PIEZO2: variants seen among roughly 807,000 people sequenced by gnomAD.
The protein encoded by PIEZO2 is piezo-type mechanosensitive ion channel component 2.
In PIEZO2, 172 loss-of-function variants were observed where a neutral mutation model predicts 337.3. The ratio of observed to expected loss-of-function variants is 0.51; its 90% confidence interval spans 0.45 to 0.58. PIEZO2 has a LOEUF of 0.58. Among genes scored for constraint, PIEZO2 ranks in the 20% least tolerant of loss-of-function variants. The pLI is 0.00. For synonymous variants in PIEZO2, 1,251 were observed against 1,228.5 expected, an observed-to-expected ratio of 1.02 and a Z score of -0.38; for missense variants, 3,028 against 3,391.3, an observed-to-expected ratio of 0.89 and a Z score of 2.66.
intron 4 of PIEZO2, among the ~76,000 whole-genome samples, chr18:10,906,248 C>T (rs553324914): frequency 4.9e-4 from 74 of 152,230 alleles, no homozygotes; most frequent in African/African-American, 1.8e-3. Flanking sequence ...CCAAGTGGAG[C>T]ATCAAATAAA....
intron 7 of PIEZO2, among the ~76,000 whole-genome samples, chr18:10,810,966 C>T (rs1236691933): frequency 2.6e-5 from 4 of 152,210 alleles, no homozygotes; most frequent in Non-Finnish European, 2.9e-5. Flanking sequence ...GTTCAGGATG[C>T]ATAATTACAT....
At position 10,794,620 on chromosome 18, in the gene PIEZO2, C is replaced by T. The variant is rs1049583763; in HGVS notation, c.1758+152G>A. On this transcript the variant is annotated intron_variant, in intron 13 of 55. Transcript: ENST00000674853. The surrounding 1 kb of genome is among the most constrained non-coding windows in gnomAD (Gnocchi z 6.6). ...TTAAATTATAGAGGCCTCTAAGCAC[C>T]GCAAACTGTTTCTTACAGTCTCATG... Among the ~76,000 whole-genome samples the T allele has an allele frequency of 2.6e-5, 4 of 152,130 alleles. No homozygotes were observed. Among genetic ancestry groups the T allele is most frequent in the Admixed American group, 6.5e-5 (1 of 15,272 alleles).
At chr18:10,935,187 G>C (rs748332120) in intron 3 of PIEZO2, among the ~76,000 whole-genome samples, 3 of 152,118 alleles carry the variant, frequency 2.0e-5, no homozygotes, top group Non-Finnish European at 4.4e-5. Context: ...AGAATTCCTG[G>C]TTTTCTTCTT....
At chr18:10,840,962 C>G (rs2041171793) in intron 7 of PIEZO2, among the ~76,000 whole-genome samples, 2 of 152,192 alleles carry the variant, frequency 1.3e-5, no homozygotes, top group South Asian at 4.1e-4. Context: ...TGAGGAGAGC[C>G]ATATGCAGTT....
chr18:10,725,331 G>A, intron 36 of PIEZO2: 4 of 1,602,510 alleles, frequency 2.5e-6, no homozygotes, highest in Non-Finnish European at 3.4e-6. Context: ...CGAAGAGGTT[G>A]TGGTGCAGCT....
chr18:10,951,241 A>G (rs1344812036), intron 3 of PIEZO2, among the ~76,000 whole-genome samples: 1 of 152,196 alleles, frequency 6.6e-6, no homozygotes, highest in Non-Finnish European at 1.5e-5. Flanking sequence ...TCACAAGACA[A>G]TACATAACAT....
In PIEZO2 at chr18:10,691,248, G is replaced by A. The variant is rs72970080; in HGVS notation, c.7326C>T (p.Tyr2442=). The A allele has an allele frequency of 4.0e-3, 6,523 of 1,613,682 alleles. 19 individuals are homozygous for A. The highest frequency in any genetic ancestry group is 5.1e-3 in the Non-Finnish European group (6,045 of 1,179,794). The change falls in exon 48 of 56, where the codon TAC becomes TAT. Residue 2442 remains tyrosine, a synonymous_variant. Transcript: ENST00000674853. ...LGNFLTKSYN[Y]VNLFLFQGFR... ...ACCCTTGGAATAAGAAGAGGTTGAC[G>A]TAATTGTAGCTCTTGGTGAGGAAGT... is the stretch of plus-strand genomic sequence containing the variant.
rs1568330522 is a variant in PIEZO2, at chr18:11,051,370, G to GTGTGTGT, written c.160+14756_160+14757insACACACA. On this transcript the variant is annotated intron_variant, in intron 2 of 55. Coordinates refer to ENST00000674853, the MANE Select transcript of PIEZO2 (RefSeq NM_001378183.1). ...ATGTGTGTGTGTGTGTGTGTGTGTG[G>GTGTGTGT]GTGTGGGTGTGGGTGTGGGTGTAAC... Among the ~76,000 whole-genome samples, 341 of 97,304 alleles carry GTGTGTGT rather than the reference G, an allele frequency of 3.5e-3. 2 individuals carry two copies. Among genetic ancestry groups the GTGTGTGT allele is most frequent in the African/African-American group, 7.3e-3 (250 of 34,132 alleles). The allele number at this position is 97,304 out of a possible 152,430, so 63.8% of individuals were successfully genotyped here.
At chr18:10,931,714 GAGAGA>G (rs869052366) in intron 3 of PIEZO2, among the ~76,000 whole-genome samples, 2 of 21,284 alleles carry the variant, frequency 9.4e-5, no homozygotes, top group African/African-American at 5.3e-4. Context: ...GTGTGTGTGT[GAGAGA>G]GAGAGAGAGA....
intron 3 of PIEZO2, among the ~76,000 whole-genome samples, chr18:10,957,365 C>G (rs2033583278): frequency 6.6e-6 from 1 of 151,518 alleles, no homozygotes; most frequent in Non-Finnish European, 1.5e-5. Context: ...CCACTGCACT[C>G]CAGCCTGGGT....
intron 3 of PIEZO2, among the ~76,000 whole-genome samples, chr18:10,936,154 A>C (rs1265787596): frequency 6.6e-6 from 1 of 152,228 alleles, no homozygotes; most frequent in Admixed American, 6.5e-5. Context: ...CTGCCTTCCC[A>C]GCAGTTTCTA....
At chr18:11,074,586 C>T (rs2038464019) in intron 1 of PIEZO2, among the ~76,000 whole-genome samples, 2 of 152,182 alleles carry the variant, frequency 1.3e-5, no homozygotes, top group Non-Finnish European at 2.9e-5. Context: ...ATCGTAAACA[C>T]TTGGACTTGC....
rs557106473 is a variant in PIEZO2, at chr18:10,704,271, T to C, written c.6258+123A>G. ...CTAAGAATGTCTGTGGAACTGCATG[T>C]TCCATGTGAAACTGTCTGGGATCAG... is the stretch of plus-strand genomic sequence containing the variant. On this transcript the variant is annotated intron_variant, in intron 42 of 55. Coordinates refer to ENST00000674853, the MANE Select transcript of PIEZO2 (RefSeq NM_001378183.1). The C allele has an allele frequency of 7.8e-6, 10 of 1,277,448 alleles. No homozygotes were observed. The African/African-American group carries it at 1.5e-4, about 19-fold the overall frequency. 79.1% of individuals were successfully genotyped at this position (1,277,448 alleles called of 1,614,324 possible).
intron 3 of PIEZO2, among the ~76,000 whole-genome samples, chr18:10,927,005 T>TA (rs1396880965): frequency 6.6e-6 from 1 of 152,190 alleles, no homozygotes; most frequent in Non-Finnish European, 1.5e-5. Flanking sequence ...AATACAAATG[T>TA]CTTACTCATT....
chr18:10,923,455 A>C (rs264274), intron 3 of PIEZO2, among the ~76,000 whole-genome samples: 76,403 of 152,014 alleles, frequency 0.5, 19,467 homozygotes, highest in South Asian at 0.66. Context: ...CCAATGAAGC[A>C]AGAGTGGCTG....
chr18:10,923,248 G>A (rs932957192), intron 3 of PIEZO2, among the ~76,000 whole-genome samples: 33 of 152,124 alleles, frequency 2.2e-4, no homozygotes, highest in African/African-American at 7.0e-4. Context: ...ATTCTAAGAC[G>A]CTTGCATAAG....
chr18:10,925,268 T>C (rs1266712674), intron 3 of PIEZO2, among the ~76,000 whole-genome samples: 1 of 152,244 alleles, frequency 6.6e-6, no homozygotes, highest in Non-Finnish European at 1.5e-5. Context: ...AGTTCTGTCA[T>C]TATTTAAATT....
intron 2 of PIEZO2, among the ~76,000 whole-genome samples, chr18:11,022,226 C>T (rs566031029): frequency 6.6e-6 from 1 of 152,296 alleles, no homozygotes; most frequent in African/African-American, 2.4e-5. Flanking sequence ...CCTAACTGTG[C>T]AGGCCTGACC....
In PIEZO2 at chr18:10,795,361, T is replaced by TA. The variant is rs2039553303; in HGVS notation, c.1528-360_1528-359insT. ...ATTTTATTTTATTTTATTATTTTAT[T>TA]TTATTTTATTTTATTTTATTTTATT... is the stretch of plus-strand genomic sequence containing the variant. On this transcript the variant is annotated intron_variant, in intron 12 of 55. Transcript: ENST00000674853. This position sits in a 1 kb window ranked among gnomAD's most constrained non-coding sequence, Gnocchi z 4.4. 2.3e-5 allele frequency among the ~76,000 whole-genome samples: 1 copy of TA among 43,146 alleles called. No homozygotes were observed. Among genetic ancestry groups the TA allele is most frequent in the Non-Finnish European group, 5.8e-5 (1 of 17,306 alleles). The allele number at this position is 43,146 out of a possible 152,430, so 28.3% of individuals were successfully genotyped here.
Sources: gnomAD v4.1 joint callset for allele counts (sites outside exome capture counted in the v4.1 genomes callset) on GRCh38, gnomAD v4.1.1 for gene constraint, Gnocchi (gnomAD v3.1) non-coding constraint, MANE v1.5 for transcripts, NCBI Gene and HGNC (gene_info 2026-07-23, HGNC 2026-07-21) for gene names.